Variants in ANKRD42 observed in about 807,000 individuals in gnomAD.
The protein encoded by ANKRD42 is ankyrin repeat domain-containing protein 42.
ANKRD42 carries 43 observed loss-of-function variants against 51.5 expected under a neutral mutation model. That is an observed-to-expected ratio of 0.83 (90% CI 0.65 to 1.08). ANKRD42 has a LOEUF of 1.08. Ranked by LOEUF, ANKRD42 falls within the 50% of genes least tolerant of loss-of-function variation. ANKRD42 has a pLI of 0.00. For missense variants in ANKRD42, 608 were observed against 629.3 expected (o/e 0.97, Z 0.36); for synonymous variants, 203 against 213.0 (o/e 0.95, Z 0.41).
chr11:83,206,005 A>G (rs1031852156), intron 2 of ANKRD42, 53 bp from the exon 3 acceptor site: 51 of 1,474,664 alleles, frequency 3.5e-5, no homozygotes, highest in Admixed American at 1.4e-4. Flanking sequence ...TTTAAAAGAT[A>G]AAAATGTTAA....
At chr11:83,225,873 C>T (rs12293833) in intron 6 of ANKRD42, among the ~76,000 whole-genome samples, 3,364 of 150,412 alleles carry the variant, frequency 0.022, 112 homozygotes, top group African/African-American at 0.077. Context: ...TCTTCCTCCT[C>T]AAGGGTAAAC....
In ANKRD42 at chr11:83,193,968, C is replaced by T. The variant is rs1276023520; in HGVS notation, c.-703C>T. 8.8e-6 allele frequency: 4 copies of T among 456,304 alleles called. No individual in the cohort carries two copies. Among genetic ancestry groups the T allele is most frequent in the Middle Eastern group, 3.2e-4 (1 of 3,092 alleles). The allele number at this position is 456,304 out of a possible 1,614,324, so 28.3% of individuals were successfully genotyped here. On this transcript the variant is annotated 5_prime_UTR_variant, in exon 1 of 11. Coordinates refer to ENST00000533342, the MANE Select transcript of ANKRD42 (RefSeq NM_001300975.2). ...AAAGAAAATGTGAAGAGAGCGACCGCCGCTCCAGGGTCGCTGCAGGAAGCC... is the reference window on the plus strand; with the variant it reads ...AAAGAAAATGTGAAGAGAGCGACCGTCGCTCCAGGGTCGCTGCAGGAAGCC...
downstream of ANKRD42, chr11:83,259,542 A>C (rs1863840126): frequency 6.6e-6 from 1 of 152,218 alleles, no homozygotes; most frequent in African/African-American, 2.4e-5. Flanking sequence ...GAGAAGGTCC[A>C]ATAAATGGCA....
Position 83,208,048 on chromosome 11 carries a change from G to A in ANKRD42, c.330+1883G>A, listed in dbSNP as rs539732649. On this transcript the variant is annotated intron_variant, in intron 3 of 10. Transcript: ENST00000533342. Reference sequence around the variant, plus strand: ...GTTTTTGTTTTTGTTTTTTGAGACAGGGTCTTGCTCTGTCACCCTGGCTGG... The same window carrying A: ...GTTTTTGTTTTTGTTTTTTGAGACAAGGTCTTGCTCTGTCACCCTGGCTGG... 1.3e-3 allele frequency among the ~76,000 whole-genome samples: 195 copies of A among 152,292 alleles called. 2 individuals carry two copies. Among genetic ancestry groups the A allele is most frequent in the African/African-American group, 4.0e-3 (168 of 41,552 alleles).
intron 4 of ANKRD42, 169 bp from the exon 5 acceptor site, chr11:83,211,126 T>A (rs1451476494): frequency 1.2e-6 from 1 of 826,998 alleles, no homozygotes; most frequent in South Asian, 1.7e-5. Flanking sequence ...TATAAAATTT[T>A]ATTAGCTCAT....
intron 7 of ANKRD42, among the ~76,000 whole-genome samples, chr11:83,230,895 C>CT (rs1264565661): frequency 1.2e-4 from 19 of 152,252 alleles, no homozygotes; most frequent in African/African-American, 4.1e-4. Flanking sequence ...TGATCTTATT[C>CT]TTTTTTATGG....
downstream of ANKRD42, among the ~76,000 whole-genome samples, chr11:83,249,377 GTTTT>G (rs1272047518): frequency 3.3e-5 from 5 of 152,014 alleles, no homozygotes; most frequent in Admixed American, 2.6e-4. Context: ...TGGCCAATTA[GTTTT>G]TTTGTTTGTT....
intron 2 of ANKRD42, among the ~76,000 whole-genome samples, chr11:83,199,547 T>G (rs1467565160): frequency 1.3e-5 from 2 of 152,210 alleles, no homozygotes; most frequent in Non-Finnish European, 2.9e-5. Context: ...GATATTTATT[T>G]GGTTTCAATT....
chr11:83,230,742 A>G (rs1565191422), intron 7 of ANKRD42, among the ~76,000 whole-genome samples: 1 of 152,098 alleles, frequency 6.6e-6, no homozygotes, highest in African/African-American at 2.4e-5. Context: ...GTGTGCCACC[A>G]TGCCCGGCTA....
intron 9 of ANKRD42, among the ~76,000 whole-genome samples, chr11:83,244,529 C>T (rs1362986962): frequency 2.0e-5 from 3 of 152,148 alleles, no homozygotes; most frequent in Non-Finnish European, 4.4e-5. Flanking sequence ...TTTGTTGAGG[C>T]AAGCTTTTCT....
chr11:83,217,909 T>C (rs193019009), intron 5 of ANKRD42, among the ~76,000 whole-genome samples: 19 of 152,326 alleles, frequency 1.2e-4, no homozygotes, highest in African/African-American at 4.6e-4. Flanking sequence ...CTTTTTCTTA[T>C]CTTGCTTTTC....
intron 7 of ANKRD42, among the ~76,000 whole-genome samples, chr11:83,231,155 T>C (rs918207795): frequency 1.3e-5 from 2 of 152,238 alleles, no homozygotes; most frequent in Non-Finnish European, 2.9e-5. Context: ...ATAGTGGTTG[T>C]ACAAATTTAC....
chr11:83,227,706 A>T, intron 6 of ANKRD42, 41 bp from the exon 7 acceptor site: 1 of 1,573,120 alleles, frequency 6.4e-7, no homozygotes. Context: ...AAAAGAATAA[A>T]CTCTTATGTT....
intron 5 of ANKRD42, among the ~76,000 whole-genome samples, chr11:83,216,401 G>A (rs1044615559): frequency 6.6e-6 from 1 of 151,154 alleles, no homozygotes; most frequent in African/African-American, 2.4e-5. Context: ...TCGGCTCACT[G>A]CAGGCTCCAC....
downstream of ANKRD42, among the ~76,000 whole-genome samples, chr11:83,252,323 A>G (rs1259055070): frequency 6.6e-6 from 1 of 152,224 alleles, no homozygotes; most frequent in Non-Finnish European, 1.5e-5. Context: ...ATTGGCTACC[A>G]CTTTGGAAAA....
downstream of ANKRD42, chr11:83,256,105 A>G: frequency 2.1e-6 from 1 of 484,812 alleles, no homozygotes; most frequent in Non-Finnish European, 3.6e-6. Context: ...AATGACACGG[A>G]CTCAGTTGTG....
chr11:83,254,429 TCTTTTC>T (rs1565200744), intron 11 of ANKRD42, among the ~76,000 whole-genome samples: 2 of 123,764 alleles, frequency 1.6e-5, no homozygotes, highest in South Asian at 2.7e-4. Flanking sequence ...TTTTCTTTTT[TCTTTTC>T]TTTTTTTTTT....
In ANKRD42 at chr11:83,242,567, G is replaced by GTTTTTTTTTTGTTTGTTTTTTT. The variant is rs770772334; in HGVS notation, c.1195+1643_1195+1644insGTTTGTTTTTTTTTTTTTTTTT. On this transcript the variant is annotated intron_variant, in intron 9 of 10. Coordinates refer to ENST00000533342, the MANE Select transcript of ANKRD42 (RefSeq NM_001300975.2). ...GGGGAATTCGGTGAATGGTAGTTAA[G>GTTTTTTTTTTGTTTGTTTTTTT]TTTTTTTTTTTTTTTTTTAGATGGA... is the stretch of plus-strand genomic sequence containing the variant. Among the ~76,000 whole-genome samples, 16 of 115,546 alleles carry GTTTTTTTTTTGTTTGTTTTTTT rather than the reference G, an allele frequency of 1.4e-4. 2 individuals carry two copies. The highest frequency in any genetic ancestry group is 6.2e-4 in the South Asian group (2 of 3,202). The allele number at this position is 115,546 out of a possible 152,430, so 75.8% of individuals were successfully genotyped here.
intron 5 of ANKRD42, among the ~76,000 whole-genome samples, chr11:83,221,657 C>T (rs1022391644): frequency 1.9e-4 from 29 of 152,152 alleles, no homozygotes; most frequent in African/African-American, 6.5e-4. Flanking sequence ...AATAAGCCAT[C>T]GGAGTGTAGC....
Sources: gnomAD v4.1 joint callset for allele counts (sites outside exome capture counted in the v4.1 genomes callset) on GRCh38, gnomAD v4.1.1 for gene constraint, MANE v1.5 for transcripts, NCBI Gene and HGNC (gene_info 2026-07-23, HGNC 2026-07-21) for gene names.